The following TRHDE variants were observed in gnomAD, a reference collection of about 807,000 sequenced individuals.
TRHDE encodes thyrotropin-releasing hormone-degrading ectoenzyme.
TRHDE carries 72 observed loss-of-function variants against 125.7 expected under a neutral mutation model. The observed-to-expected ratio is 0.57, with a 90% CI of 0.47 to 0.70. The LOEUF is 0.70. TRHDE is among the 30% of genes least tolerant of loss of function. The pLI is 0.00. For missense variants in TRHDE, 1,110 were observed against 1,327.1 expected, an observed-to-expected ratio of 0.84 and a Z score of 2.54; for synonymous variants, 509 against 509.1, an observed-to-expected ratio of 1.00 and a Z score of 0.00.
intron 2 of TRHDE, among the ~76,000 whole-genome samples, chr12:72,301,712 A>C (rs1011843793): frequency 6.6e-6 from 1 of 152,168 alleles, no homozygotes; most frequent in Non-Finnish European, 1.5e-5. Flanking sequence ...CAATAGAAGT[A>C]CAGTGCCTAT....
rs957514682 is a variant in TRHDE, at chr12:72,430,472, C to CAT, written c.1316-39276_1316-39275dup. ...ATATATATGTGTATATATATACACA[C>CAT]ATATATATATACACACACACAACAG... is the stretch of plus-strand genomic sequence containing the variant. On this transcript the variant is annotated intron_variant, in intron 3 of 18. Coordinates refer to ENST00000261180, the MANE Select transcript of TRHDE (RefSeq NM_013381.3). 1.5e-4 allele frequency among the ~76,000 whole-genome samples: 22 copies of CAT among 147,960 alleles called. 1 individual carries two copies. The South Asian group carries it at 2.8e-3, about 19-fold the overall frequency.
intron 12 of TRHDE, among the ~76,000 whole-genome samples, chr12:72,603,309 T>G (rs899963732): frequency 6.6e-6 from 1 of 152,006 alleles, no homozygotes; most frequent in African/African-American, 2.4e-5. Context: ...ACAAGAGGTA[T>G]CCTGTGTGTT....
chr12:72,258,638 C>T (rs114532309), intron 2 of TRHDE, among the ~76,000 whole-genome samples: 92 of 152,206 alleles, frequency 6.0e-4, no homozygotes, highest in African/African-American at 2.1e-3. Flanking sequence ...CCCAGAGACC[C>T]GATTCAAGTT....
intron 10 of TRHDE, among the ~76,000 whole-genome samples, chr12:72,569,490 A>G (rs1432655752): frequency 6.6e-6 from 1 of 152,296 alleles, no homozygotes; most frequent in Admixed American, 6.5e-5. Context: ...TTTATTTGAA[A>G]TAGGGTGAGG....
chr12:72,527,673 G>A (rs887571619), intron 6 of TRHDE, among the ~76,000 whole-genome samples: 2 of 151,360 alleles, frequency 1.3e-5, no homozygotes, highest in African/African-American at 4.8e-5. Flanking sequence ...ATTTTCGTAA[G>A]AATCACATTC....
chr12:72,645,595 C>A (rs538006855), intron 15 of TRHDE, among the ~76,000 whole-genome samples: 3 of 152,070 alleles, frequency 2.0e-5, no homozygotes, highest in South Asian at 4.1e-4. Flanking sequence ...ATCTAGAGAA[C>A]GAAATGGACA....
At position 72,272,799 on chromosome 12, in the gene TRHDE, G is replaced by C. The variant is rs369533965; in HGVS notation, c.156G>C (p.Ala52=). Reference sequence around the variant, plus strand: ...CCGCGATGGGGGAAGACGACGCCGCGCTTCGGGCTGGCAGCAGGGGGCTCT... The same window carrying C: ...CCGCGATGGGGGAAGACGACGCCGCCCTTCGGGCTGGCAGCAGGGGGCTCT... ...FAAAMGEDDA[A]LRAGSRGLSD... Residue 52 remains alanine, a synonymous_variant, in exon 1 of 19, where the codon GCG becomes GCC. Coordinates refer to ENST00000261180, the MANE Select transcript of TRHDE (RefSeq NM_013381.3). This position sits in a 1 kb window ranked among gnomAD's most constrained non-coding sequence, Gnocchi z 6.7. The C allele has an allele frequency of 6.4e-7, 1 of 1,562,340 alleles. No individual in the cohort carries two copies. Among genetic ancestry groups the C allele is most frequent in the East Asian group, 2.3e-5 (1 of 43,262 alleles).
intron 1 of TRHDE, among the ~76,000 whole-genome samples, chr12:72,097,467 T>TTTTTTA (rs1874958049): frequency 1.5e-5 from 2 of 130,952 alleles, no homozygotes; most frequent in African/African-American, 5.6e-5. Flanking sequence ...TTTTTTTTTT[T>TTTTTTA]AGACAGAGTT....
At chr12:72,634,539 T>C (rs1366464390) in intron 15 of TRHDE, among the ~76,000 whole-genome samples, 5 of 152,088 alleles carry the variant, frequency 3.3e-5, no homozygotes, top group African/African-American at 1.2e-4. Context: ...TTAGGGTACA[T>C]GTGCACAATG....
intron 2 of TRHDE, among the ~76,000 whole-genome samples, chr12:72,293,046 C>G (rs1045242702): frequency 4.6e-5 from 7 of 152,098 alleles, no homozygotes; most frequent in Admixed American, 4.6e-4. Context: ...AATCTTCTGA[C>G]TGCATCTTTA....
In TRHDE at chr12:72,606,974, G is replaced by A. The variant is rs150126861; in HGVS notation, c.2322-11917G>A. 8.9e-4 allele frequency among the ~76,000 whole-genome samples: 136 copies of A among 152,050 alleles called. 1 individual carries two copies. The highest frequency in any genetic ancestry group is 2.7e-3 in the African/African-American group (111 of 41,480). ...TAATAATATCAACTATCCAGGAAGC[G>A]TTCAAATTTCCAATGGTTTCATAAA... On this transcript the variant is annotated intron_variant, in intron 12 of 18. Transcript: ENST00000261180.
At chr12:72,475,670 G>C (rs908768541) in intron 5 of TRHDE, among the ~76,000 whole-genome samples, 2 of 152,200 alleles carry the variant, frequency 1.3e-5, no homozygotes, top group African/African-American at 4.8e-5. Context: ...CTGAGACTTT[G>C]TTCTTAATTA....
chr12:72,257,573 A>G (rs1878847830), intron 2 of TRHDE: 1 of 152,202 alleles, frequency 6.6e-6, no homozygotes, highest in Non-Finnish European at 1.5e-5. Context: ...ATCTCTCCCA[A>G]TATAACTTGG....
intron 2 of TRHDE, among the ~76,000 whole-genome samples, chr12:72,304,203 A>G (rs1868305528): frequency 1.3e-5 from 2 of 152,154 alleles, no homozygotes; most frequent in South Asian, 2.1e-4. Flanking sequence ...AGATTTATAT[A>G]TATAATATTT....
At chr12:72,520,372 G>A (rs564512016) in intron 6 of TRHDE, among the ~76,000 whole-genome samples, 2 of 152,238 alleles carry the variant, frequency 1.3e-5, no homozygotes, top group Non-Finnish European at 2.9e-5. Flanking sequence ...CGTCGGAAAA[G>A]CGCAGTATTC....
intron 1 of TRHDE, among the ~76,000 whole-genome samples, chr12:72,280,126 G>A (rs1040052752): frequency 5.9e-5 from 9 of 152,254 alleles, no homozygotes; most frequent in African/African-American, 2.2e-4. Context: ...TGTGGAACCA[G>A]ACTGCTTGGC....
At chr12:72,238,307 T>TATATATATA (rs1878388218) in intron 2 of TRHDE, among the ~76,000 whole-genome samples, 1 of 33,552 alleles carries the variant, frequency 3.0e-5, no homozygotes, top group African/African-American at 1.1e-4. Flanking sequence ...TATATATATA[T>TATATATATA]ATATATATAT....
At chr12:72,373,106 G>A (rs1296562527) in intron 2 of TRHDE, among the ~76,000 whole-genome samples, 2 of 152,178 alleles carry the variant, frequency 1.3e-5, no homozygotes, top group African/African-American at 4.8e-5. Context: ...GATCCTTCAT[G>A]TCCCTTGTAA....
chr12:72,379,699 G>C (rs1468019289), intron 3 of TRHDE, among the ~76,000 whole-genome samples: 1 of 152,208 alleles, frequency 6.6e-6, no homozygotes, highest in Non-Finnish European at 1.5e-5. Flanking sequence ...AAGCATTTCT[G>C]TTCCTCTGTT....
Sources: allele counts gnomAD v4.1 joint callset (sites outside exome capture counted in the v4.1 genomes callset), GRCh38; gene constraint gnomAD v4.1.1; non-coding constraint Gnocchi (gnomAD v3.1); transcripts MANE v1.5; gene names NCBI Gene and HGNC (gene_info 2026-07-23, HGNC 2026-07-21).